LARS2: variants seen among roughly 807,000 people sequenced by gnomAD.
The protein encoded by LARS2 is leucyl-tRNA synthetase 2, mitochondrial, also known as leucine--tRNA ligase, mitochondrial.
LARS2 carries 81 observed loss-of-function variants against 116.6 expected under a neutral mutation model. The observed-to-expected ratio is 0.69, with a 90% CI of 0.58 to 0.84. LARS2 has a LOEUF of 0.84. Among genes scored for constraint, LARS2 ranks in the 40% least tolerant of loss-of-function variants. The probability of loss-of-function intolerance (pLI) is 0.00; values close to 1 mark genes in which losing one functional copy is unlikely to be tolerated. For synonymous variants in LARS2, 396 were observed against 407.2 expected, an observed-to-expected ratio of 0.97 and a Z score of 0.33; for missense variants, 968 against 1,114.5, an observed-to-expected ratio of 0.87 and a Z score of 1.87.
intron 15 of LARS2, among the ~76,000 whole-genome samples, chr3:45,504,444 A>G (rs1299699369): frequency 6.6e-6 from 1 of 152,094 alleles, no homozygotes; most frequent in Non-Finnish European, 1.5e-5. Flanking sequence ...TCTACTGTAC[A>G]GAAAATTAAT....
chr3:45,399,659 GT>G (rs1313016002), intron 3 of LARS2, among the ~76,000 whole-genome samples: 3 of 151,276 alleles, frequency 2.0e-5, no homozygotes, highest in African/African-American at 7.3e-5. Context: ...TTTTCCATAG[GT>G]TTTTGGGGTA....
At chr3:45,460,241 C>G (rs934266926) in intron 8 of LARS2, among the ~76,000 whole-genome samples, 3 of 152,148 alleles carry the variant, frequency 2.0e-5, no homozygotes, top group African/African-American at 7.2e-5. Flanking sequence ...GTGCCTTGCT[C>G]CTTTTAAGCA....
At chr3:45,514,625 A>G (rs1700344844) in intron 16 of LARS2, among the ~76,000 whole-genome samples, 1 of 152,224 alleles carries the variant, frequency 6.6e-6, no homozygotes, top group Non-Finnish European at 1.5e-5. Flanking sequence ...GCGCTACACA[A>G]AAGAACCAAG....
At chr3:45,392,935 C>T (rs1283536102) in intron 2 of LARS2, among the ~76,000 whole-genome samples, 1 of 152,140 alleles carries the variant, frequency 6.6e-6, no homozygotes, top group Non-Finnish European at 1.5e-5. Context: ...CACTGTAGCA[C>T]TTCTTGAATG....
At chr3:45,444,518 G>A (rs1698982446) in intron 6 of LARS2, among the ~76,000 whole-genome samples, 1 of 145,742 alleles carries the variant, frequency 6.9e-6, no homozygotes, top group African/African-American at 2.5e-5. Flanking sequence ...CAAAAAATTA[G>A]CCGGGCGTAG....
At chr3:45,513,314 C>A in intron 16 of LARS2, 79 bp downstream of exon 16, 1 of 942,734 alleles carries the variant, frequency 1.1e-6, no homozygotes, top group Non-Finnish European at 1.7e-6. Context: ...AGCAAGCAGG[C>A]ATCTGCCTCT....
intron 21 of LARS2, among the ~76,000 whole-genome samples, chr3:45,543,438 A>C (rs1306199311): frequency 6.7e-6 from 1 of 148,398 alleles, no homozygotes; most frequent in Admixed American, 6.7e-5. Context: ...GAGCCACCAC[A>C]CCCAACCCAG....
chr3:45,400,197 G>C, intron 3 of LARS2, 48 bp from the exon 4 acceptor site: 1 of 1,576,126 alleles, frequency 6.3e-7, no homozygotes, highest in Non-Finnish European at 8.7e-7. Context: ...TATACATGCA[G>C]AGTTCCCAGA....
intron 10 of LARS2, among the ~76,000 whole-genome samples, chr3:45,480,211 A>C (rs755688862): frequency 4.7e-4 from 71 of 152,310 alleles, no homozygotes; most frequent in Non-Finnish European, 6.3e-4. Flanking sequence ...ACAAAAAAAA[A>C]CAGGTATCTT....
At chr3:45,451,829 C>T (rs959363266) in intron 7 of LARS2, among the ~76,000 whole-genome samples, 3 of 151,966 alleles carry the variant, frequency 2.0e-5, no homozygotes, top group African/African-American at 7.2e-5. Context: ...TTCCAATCCA[C>T]GAACATAGTA....
At chr3:45,484,816 T>A (rs191592598) in intron 10 of LARS2, among the ~76,000 whole-genome samples, 3 of 151,316 alleles carry the variant, frequency 2.0e-5, no homozygotes, top group Non-Finnish European at 4.4e-5. Flanking sequence ...TATAACTTTT[T>A]ATTTTTCCTA....
intron 8 of LARS2, among the ~76,000 whole-genome samples, chr3:45,472,324 G>C (rs886654153): frequency 1.3e-5 from 2 of 152,312 alleles, no homozygotes; most frequent in East Asian, 3.9e-4. Flanking sequence ...ATACTCCTTA[G>C]TGTCAGTGGG....
At chr3:45,493,130 C>T (rs1213244487) in intron 13 of LARS2, among the ~76,000 whole-genome samples, 4 of 151,690 alleles carry the variant, frequency 2.6e-5, no homozygotes, top group East Asian at 1.9e-4. Context: ...GATGGAGTCT[C>T]GCTCTGTCGC....
At chr3:45,428,165 G>A (rs548289702) in intron 6 of LARS2, among the ~76,000 whole-genome samples, 2 of 150,762 alleles carry the variant, frequency 1.3e-5, no homozygotes, top group African/African-American at 4.9e-5. Context: ...TATGTGTTTG[G>A]GTTTTTTGGT....
chr3:45,475,066 A>G (rs1286044046), intron 9 of LARS2, among the ~76,000 whole-genome samples: 2 of 152,036 alleles, frequency 1.3e-5, no homozygotes, highest in South Asian at 2.1e-4. Context: ...TTACCTGGGC[A>G]TTCTTTTTTT....
intron 19 of LARS2, among the ~76,000 whole-genome samples, chr3:45,522,151 G>A (rs562279180): frequency 2.6e-5 from 4 of 152,198 alleles, no homozygotes; most frequent in Non-Finnish European, 5.9e-5. Context: ...CTATTGCAAA[G>A]ATGGCAGAAT....
At chr3:45,405,587 T>C (rs1698221371) in intron 4 of LARS2, among the ~76,000 whole-genome samples, 1 of 152,224 alleles carries the variant, frequency 6.6e-6, no homozygotes, top group Non-Finnish European at 1.5e-5. Context: ...AGTTAAACTC[T>C]GTCATTCTAG....
At chr3:45,528,873 C>CT (rs11350117) in intron 20 of LARS2, among the ~76,000 whole-genome samples, 1 of 142,512 alleles carries the variant, frequency 7.0e-6, no homozygotes. Context: ...TCTACAACAT[C>CT]TTTTTTTTTT....
At chr3:45,524,934 A>G (rs1384568578) in intron 20 of LARS2, among the ~76,000 whole-genome samples, 3 of 152,226 alleles carry the variant, frequency 2.0e-5, no homozygotes, top group Middle Eastern at 3.2e-3. Context: ...CCACCACCCA[A>G]GCAACTTTAT....
Sources: gnomAD v4.1 joint callset for allele counts (sites outside exome capture counted in the v4.1 genomes callset) on GRCh38, gnomAD v4.1.1 for gene constraint, MANE v1.5 for transcripts, NCBI Gene and HGNC (gene_info 2026-07-23, HGNC 2026-07-21) for gene names.